The following ARID4B variants were observed in gnomAD, a reference collection of about 807,000 sequenced individuals.
ARID4B encodes the protein AT-rich interaction domain 4B.
In ARID4B, 26 loss-of-function variants were observed where a neutral mutation model predicts 147.5. The ratio of observed to expected loss-of-function variants is 0.18; its 90% CI spans 0.13 to 0.24. The LOEUF is 0.24. Ranked by LOEUF, ARID4B falls within the 10% of genes least tolerant of loss-of-function variation. The probability of loss-of-function intolerance (pLI) is 1.00; values close to 1 mark genes in which losing one functional copy is unlikely to be tolerated. For synonymous variants in ARID4B, 512 were observed against 507.9 expected (o/e 1.01, Z -0.11); for missense variants, 1,179 against 1,511.5 (o/e 0.78, Z 3.65).
At chr1:235,236,764 C>T (rs1206936185) in intron 8 of ARID4B, among the ~76,000 whole-genome samples, 2 of 143,306 alleles carry the variant, frequency 1.4e-5, no homozygotes, top group Non-Finnish European at 1.5e-5. Context: ...CTGCCCACCT[C>T]GGCCTCCCAA....
At chr1:235,232,686 T>A (rs541500351) in intron 9 of ARID4B, among the ~76,000 whole-genome samples, 1 of 152,290 alleles carries the variant, frequency 6.6e-6, no homozygotes, top group Admixed American at 6.5e-5. Flanking sequence ...ATTTTATTCA[T>A]CTTACCAATA....
intron 2 of ARID4B, among the ~76,000 whole-genome samples, chr1:235,305,417 G>A (rs1346693425): frequency 6.6e-6 from 1 of 152,048 alleles, no homozygotes. Context: ...ACAGTATTTG[G>A]CACTTCTAAA....
intron 21 of ARID4B, among the ~76,000 whole-genome samples, chr1:235,176,475 A>C (rs1663889146): frequency 6.9e-6 from 1 of 144,642 alleles, no homozygotes; most frequent in African/African-American, 2.5e-5. Flanking sequence ...AAAAGGAGTT[A>C]AACTCTCAAA....
chr1:235,319,374 T>C (rs1026809667), intron 2 of ARID4B, among the ~76,000 whole-genome samples: 29 of 152,238 alleles, frequency 1.9e-4, no homozygotes, highest in African/African-American at 6.7e-4. Context: ...TAGCTGGGCA[T>C]GGTGCCGTGC....
chr1:235,309,195 T>G (rs1170765538), intron 2 of ARID4B, among the ~76,000 whole-genome samples: 1 of 149,226 alleles, frequency 6.7e-6, no homozygotes, highest in Non-Finnish European at 1.5e-5. Context: ...GGAGCGTCTC[T>G]GCCCGGCCGC....
At chr1:235,318,963 G>C (rs72758078) in intron 2 of ARID4B, among the ~76,000 whole-genome samples, 19,943 of 152,050 alleles carry the variant, frequency 0.13, 1,524 homozygotes, top group African/African-American at 0.2. Flanking sequence ...GAAGTTTCTT[G>C]TTGGGAATTT....
chr1:235,300,853 G>A (rs1673072939), intron 2 of ARID4B, among the ~76,000 whole-genome samples: 2 of 151,878 alleles, frequency 1.3e-5, no homozygotes, highest in South Asian at 2.1e-4. Context: ...GGGACTACAG[G>A]TGCATGCCAC....
chr1:235,204,477 C>G (rs1162435787), intron 17 of ARID4B, among the ~76,000 whole-genome samples: 9 of 152,036 alleles, frequency 5.9e-5, no homozygotes, highest in Non-Finnish European at 1.3e-4. Flanking sequence ...AATATTATAG[C>G]ATAGTCATAT....
At position 235,182,486 on chromosome 1, in the gene ARID4B, T is replaced by C; in HGVS notation, c.2433A>G (p.Thr811=). ...TKKRKDVKKD[T]TDKSSKPQIK... is the part of the protein sequence containing the mutation. ...TTTGTGGTTTTGAAGATTTATCTGT[T>C]GTGTCCTTCTTGACATCCTTTCTCT... The change falls in exon 20 of 24, where the codon ACA becomes ACG. Residue 811 remains threonine (T), a synonymous_variant. Transcript: ENST00000264183. 1 of 1,613,800 alleles carries C rather than the reference T, an allele frequency of 6.2e-7. No individual in the cohort carries two copies. Among genetic ancestry groups the C allele is most frequent in the African/African-American group, 1.3e-5 (1 of 75,036 alleles).
chr1:235,202,708 T>TTG (rs1666031592), intron 17 of ARID4B, among the ~76,000 whole-genome samples: 1 of 151,712 alleles, frequency 6.6e-6, no homozygotes, highest in African/African-American at 2.4e-5. Context: ...TGCCACCACG[T>TTG]CCAGCTAATT....
At chr1:235,232,408 G>GA (rs1004069606) in intron 9 of ARID4B, among the ~76,000 whole-genome samples, 2 of 151,492 alleles carry the variant, frequency 1.3e-5, no homozygotes, top group African/African-American at 4.8e-5. Context: ...CAACAAGAGT[G>GA]AAACTCCATC....
intron 9 of ARID4B, among the ~76,000 whole-genome samples, chr1:235,232,551 G>A (rs1189561645): frequency 7.1e-6 from 1 of 140,200 alleles, no homozygotes; most frequent in Non-Finnish European, 1.6e-5. Context: ...GACCAGCCTG[G>A]GCAACATGGC....
At chr1:235,282,382 C>G (rs780205953) in intron 2 of ARID4B, among the ~76,000 whole-genome samples, 1 of 152,134 alleles carries the variant, frequency 6.6e-6, no homozygotes, top group Non-Finnish European at 1.5e-5. Flanking sequence ...ATATAATCAA[C>G]GCAAAGCAAC....
Position 235,190,842 on chromosome 1 carries a change from C to T in ARID4B, c.2125+3171G>A, listed in dbSNP as rs549740876. Among the ~76,000 whole-genome samples the T allele has an allele frequency of 3.9e-5, 6 of 152,226 alleles. No individual in the cohort carries two copies. In the South Asian group the frequency reaches 1.0e-3, roughly 26 times the overall value. On this transcript the variant is annotated intron_variant, in intron 19 of 23. Coordinates refer to ENST00000264183, the MANE Select transcript of ARID4B (RefSeq NM_016374.6). ...TTAAAGGAGATCCCTAGAATGGGAT[C>T]TCCCTAGGAAAATAGCTGTGCAACA...
chr1:235,241,021 A>C (rs1668948169), intron 7 of ARID4B, among the ~76,000 whole-genome samples: 1 of 152,230 alleles, frequency 6.6e-6, no homozygotes. Flanking sequence ...CAAAATTAAA[A>C]GAAAAACAGA....
rs564587774 is a variant in ARID4B at position 235,320,705 on chromosome 1, C to A, written c.6+6209G>T. Among the ~76,000 whole-genome samples the A allele has an allele frequency of 7.2e-5, 11 of 152,306 alleles. No homozygotes were observed. In the East Asian group the frequency reaches 2.1e-3, roughly 29 times the overall value. ...TTTGTGACCCTCTCTGACCTCCTCTCCTACCACTCCAGCCCTGATGGCCTT... is the reference window on the plus strand; with the variant it reads ...TTTGTGACCCTCTCTGACCTCCTCTACTACCACTCCAGCCCTGATGGCCTT... On this transcript the variant is annotated intron_variant, in intron 2 of 23. Transcript: ENST00000264183.
chr1:235,253,002 T>G (rs1669736838), intron 5 of ARID4B, among the ~76,000 whole-genome samples, 193 bp from the exon 6 acceptor site: 1 of 151,994 alleles, frequency 6.6e-6, no homozygotes, highest in Non-Finnish European at 1.5e-5. Context: ...CAATTTCTAG[T>G]GAAAAAGAAA....
chr1:235,286,015 C>T (rs1187248941), intron 2 of ARID4B, among the ~76,000 whole-genome samples: 1 of 151,304 alleles, frequency 6.6e-6, no homozygotes, highest in African/African-American at 2.4e-5. Flanking sequence ...TGAGTTAACG[C>T]TCATTCACAC....
rs959713883 is a variant in ARID4B at position 235,257,080 on chromosome 1, A to C, written c.183+80T>G. On this transcript the variant is annotated intron_variant, in intron 4 of 23. Transcript: ENST00000264183. ...TATTGAATTTATCAACTCAATAACA[A>C]AAGAGCCAATGAATTAATACCAAGT... 4.1e-6 allele frequency: 4 copies of C among 968,918 alleles called. No individual in the cohort carries two copies. In the African/African-American group the frequency reaches 6.5e-5, roughly 16 times the overall value. 60.0% of individuals were successfully genotyped at this position (968,918 alleles called of 1,614,324 possible). A position where few individuals can be genotyped will look rare whatever the true frequency, so the allele number is the denominator to read the frequency against.
Sources: allele counts gnomAD v4.1 joint callset (sites outside exome capture counted in the v4.1 genomes callset), GRCh38; gene constraint gnomAD v4.1.1; transcripts MANE v1.5; gene names NCBI Gene and HGNC (gene_info 2026-07-23, HGNC 2026-07-21).